Variants in STK24 observed in about 807,000 individuals in gnomAD.
STK24 encodes the protein serine/threonine-protein kinase 24.
In STK24, 21 loss-of-function variants were observed where a neutral mutation model predicts 55.6. That is an observed-to-expected ratio of 0.38 (90% CI 0.27 to 0.54). The LOEUF is 0.54. Among genes scored for constraint, STK24 ranks in the 20% least tolerant of loss-of-function variants. The pLI, the probability that STK24 is intolerant of heterozygous loss-of-function variation, is 0.79. For missense variants in STK24, 383 were observed against 538.4 expected (o/e 0.71, Z 2.86); for synonymous variants, 200 against 215.2 (o/e 0.93, Z 0.62).
intron 1 of STK24, among the ~76,000 whole-genome samples, chr13:98,570,097 T>C (rs1308067680): frequency 6.6e-6 from 1 of 152,136 alleles, no homozygotes; most frequent in Admixed American, 6.5e-5. Flanking sequence ...CAGGCTGGTC[T>C]TGAACTCCTG....
chr13:98,507,023 G>A (rs572868465), intron 2 of STK24, among the ~76,000 whole-genome samples: 3 of 152,348 alleles, frequency 2.0e-5, no homozygotes, highest in South Asian at 2.1e-4. Context: ...TGCAAAGGAC[G>A]GTGCTGGCCG....
At chr13:98,509,774 C>T (rs901583245) in intron 2 of STK24, among the ~76,000 whole-genome samples, 4 of 152,092 alleles carry the variant, frequency 2.6e-5, no homozygotes, top group African/African-American at 7.2e-5. Flanking sequence ...CAGGCCTGCC[C>T]GAGAACTTAC....
intron 1 of STK24, chr13:98,521,904 C>T: frequency 8.3e-6 from 8 of 965,810 alleles, no homozygotes; most frequent in Non-Finnish European, 1.4e-5. Context: ...CTCGCTCCTT[C>T]TTCCATTCAC....
At chr13:98,532,949 CT>C (rs1566390423) in intron 1 of STK24, among the ~76,000 whole-genome samples, 1 of 152,258 alleles carries the variant, frequency 6.6e-6, no homozygotes, top group African/African-American at 2.4e-5. Context: ...ATAGTATACA[CT>C]TTATTTTATC....
chr13:98,526,797 A>C (rs577471278), intron 1 of STK24, among the ~76,000 whole-genome samples: 2 of 152,302 alleles, frequency 1.3e-5, no homozygotes, highest in South Asian at 2.1e-4. Context: ...ATTGGAAAGG[A>C]CCACAAATGG....
intron 2 of STK24, among the ~76,000 whole-genome samples, chr13:98,498,709 C>G (rs767764739): frequency 1.3e-5 from 2 of 152,146 alleles, no homozygotes; most frequent in Admixed American, 6.5e-5. Context: ...GTCCCTCCTC[C>G]CCTGCCGTCT....
intron 2 of STK24, among the ~76,000 whole-genome samples, chr13:98,494,139 C>T (rs540458666): frequency 1.4e-5 from 2 of 142,624 alleles, no homozygotes; most frequent in South Asian, 2.3e-4. Context: ...CGGCCGGGCA[C>T]GGTGGCTCAA....
In STK24 at chr13:98,450,094, A is replaced by T. The variant is rs981077809; in HGVS notation, c.*3079T>A. ...ACACTGGTGGTTCTGACCTGTGACC[A>T]GCACCTCTGCTTCCTGTGTGCCCTC... On this transcript the variant is annotated 3_prime_UTR_variant, in exon 11 of 11. Coordinates refer to ENST00000539966, the MANE Select transcript of STK24 (RefSeq NM_001032296.4). 1 of 152,260 alleles carries T rather than the reference A, an allele frequency of 6.6e-6. No homozygotes were observed. Among genetic ancestry groups the T allele is most frequent in the African/African-American group, 2.4e-5 (1 of 41,470 alleles). The allele number at this position is 152,260 out of a possible 1,614,324, so 9.4% of individuals were successfully genotyped here. A position where few individuals can be genotyped will look rare whatever the true frequency, so the allele number is the denominator to read the frequency against.
intron 2 of STK24, among the ~76,000 whole-genome samples, chr13:98,497,264 C>T (rs1594612523): frequency 6.6e-6 from 1 of 152,294 alleles, no homozygotes; most frequent in East Asian, 1.9e-4. Context: ...CCCACCCAAG[C>T]CTCCCTGTGC....
At chr13:98,545,562 A>G (rs1341052340) in intron 1 of STK24, among the ~76,000 whole-genome samples, 1 of 147,982 alleles carries the variant, frequency 6.8e-6, no homozygotes, top group Non-Finnish European at 1.5e-5. Flanking sequence ...TGAACCCGGG[A>G]GGCAGAGCTT....
chr13:98,461,054 A>AAAAG (rs368896026), intron 8 of STK24, among the ~76,000 whole-genome samples: 1 of 143,662 alleles, frequency 7.0e-6, no homozygotes, highest in African/African-American at 2.6e-5. Flanking sequence ...AAAAAAAAAA[A>AAAAG]AGAGAGAGAG....
intron 1 of STK24, among the ~76,000 whole-genome samples, chr13:98,555,950 G>A (rs1171842408): frequency 3.3e-5 from 5 of 151,958 alleles, no homozygotes; most frequent in Non-Finnish European, 7.4e-5. Flanking sequence ...TCAAAGTGCT[G>A]GGATTACAGG....
intron 1 of STK24, among the ~76,000 whole-genome samples, chr13:98,567,044 T>C (rs1455508627): frequency 6.6e-6 from 1 of 152,232 alleles, no homozygotes; most frequent in Non-Finnish European, 1.5e-5. Flanking sequence ...CAATGGTTCG[T>C]TGCTGTAAAA....
rs776897332 is a variant in STK24, at chr13:98,519,490, G to A, written c.43-17C>T. 4.4e-6 allele frequency: 7 copies of A among 1,605,922 alleles called. No individual in the cohort carries two copies. The highest frequency in any genetic ancestry group is 8.5e-7 in the Non-Finnish European group (1 of 1,173,774). ...CTTTAGGTTCTGTAGAGAGAAGGAA[G>A]AGAAAAGGGAAACTTTAGTCCCTCA... On this transcript the variant is annotated splice_polypyrimidine_tract_variant and intron_variant, in intron 1 of 10. Coordinates refer to ENST00000539966, the MANE Select transcript of STK24 (RefSeq NM_001032296.4).
At chr13:98,508,172 A>G (rs1022998262) in intron 2 of STK24, among the ~76,000 whole-genome samples, 4 of 152,226 alleles carry the variant, frequency 2.6e-5, no homozygotes, top group African/African-American at 9.6e-5. Context: ...TAGAAGAAAA[A>G]AAATAAATAT....
Position 98,573,138 on chromosome 13 carries a change from C to G in STK24, c.42+3607G>C, listed in dbSNP as rs1414332810. On this transcript the variant is annotated intron_variant, in intron 1 of 10. Transcript: ENST00000539966. Reference sequence around the variant, plus strand: ...TCCCAAGCATTTTGGATGAGGGATACTCAACCCGTAGTAAGGATTAGTACG... The same window carrying G: ...TCCCAAGCATTTTGGATGAGGGATAGTCAACCCGTAGTAAGGATTAGTACG... Among the ~76,000 whole-genome samples the G allele has an allele frequency of 8.5e-5, 13 of 152,342 alleles. No homozygotes were observed. In the East Asian group the frequency reaches 2.5e-3, roughly 29 times the overall value.
chr13:98,559,662 A>G (rs78047146), intron 1 of STK24, among the ~76,000 whole-genome samples: 2,792 of 152,280 alleles, frequency 0.018, 68 homozygotes, highest in African/African-American at 0.063. Context: ...AAAGCCTGAC[A>G]ACACTCCCTC....
intron 1 of STK24, among the ~76,000 whole-genome samples, chr13:98,559,407 C>T (rs1371014956): frequency 2.6e-5 from 4 of 152,158 alleles, no homozygotes; most frequent in Admixed American, 1.3e-4. Flanking sequence ...TCTTGCCTGC[C>T]GACATGTGAG....
chr13:98,521,822 C>G (rs199704221), intron 1 of STK24: 1 of 784,300 alleles, frequency 1.3e-6, no homozygotes, highest in Non-Finnish European at 2.4e-6. Context: ...TTATTCAAGG[C>G]CAGTCCCCAA....
Sources: gnomAD v4.1 joint callset for allele counts (sites outside exome capture counted in the v4.1 genomes callset) on GRCh38, gnomAD v4.1.1 for gene constraint, MANE v1.5 for transcripts, NCBI Gene and HGNC (gene_info 2026-07-23, HGNC 2026-07-21) for gene names.